The following JADE2 variants were observed in gnomAD, a reference collection of about 807,000 sequenced individuals.
JADE2 encodes the protein E3 ubiquitin-protein ligase Jade-2.
A neutral mutation model predicts 85.7 loss-of-function variants in JADE2; 13 were observed. The observed-to-expected ratio is 0.15, with a 90% CI of 0.10 to 0.24. The LOEUF (loss-of-function observed/expected upper bound fraction) is 0.24. JADE2 is among the 10% of genes least tolerant of loss of function. The pLI is 1.00. For synonymous variants in JADE2, 440 were observed against 456.1 expected, an observed-to-expected ratio of 0.96 and a Z score of 0.45; for missense variants, 846 against 1,115.9, an observed-to-expected ratio of 0.76 and a Z score of 3.45.
chr5:134,578,739 C>T lies in JADE2; in HGVS notation c.1927C>T (p.Arg643Cys), dbSNP rs762517884. The T allele has an allele frequency of 2.5e-6, 4 of 1,613,538 alleles. No homozygotes were observed. The highest frequency in any genetic ancestry group is 2.2e-5 in the East Asian group (1 of 44,872). ...TGCTAGGAAGGCCCGAGGCCGCACC[C>T]GCCTGCCTGCCAAGAAGAAACCACC... The part of the protein sequence containing the change: ...DPARKARGRT[R>C]LPAKKKPPPP... The change falls in exon 12 of 12, where the codon CGC (arginine) becomes TGC (cysteine). Residue 643 changes from arginine (R) to cysteine (C), a missense_variant. Around this residue, in one of 9 missense-constraint regions of JADE2, gnomAD observed 300 missense variants for 300.7 expected, o/e 1.00. Transcript: ENST00000681547. This position sits in a 1 kb window ranked among gnomAD's most constrained non-coding sequence, Gnocchi z 4.4.
chr5:134,558,909 A>G (rs10074263), intron 4 of JADE2, among the ~76,000 whole-genome samples: 37,786 of 152,170 alleles, frequency 0.25, 5,123 homozygotes, highest in East Asian at 0.53. Context: ...TGGCTTCCCC[A>G]GAGTCACACA....
intron 9 of JADE2, among the ~76,000 whole-genome samples, chr5:134,568,692 C>A (rs889196985): frequency 1.3e-5 from 2 of 152,242 alleles, no homozygotes; most frequent in Admixed American, 1.3e-4. Context: ...CAGGGGCATG[C>A]ACAGCCCTGG....
Position 134,559,770 on chromosome 5 carries a change from G to T in JADE2, c.312-60G>T, listed in dbSNP as rs895936505. On this transcript the variant is annotated intron_variant, in intron 4 of 11. Coordinates refer to ENST00000681547, the MANE Select transcript of JADE2 (RefSeq NM_001388185.1). ...GAGCTGGACTGGTCAGCTCCCTGGA[G>T]CCCCTATGGCGGCAGGCTGAGGGCC... 7 of 1,544,418 alleles carry T rather than the reference G, an allele frequency of 4.5e-6. No homozygotes were observed. In the Admixed American group the frequency reaches 1.4e-4, roughly 30 times the overall value.
chr5:134,543,357 C>G (rs1358396637), intron 3 of JADE2, among the ~76,000 whole-genome samples: 1 of 150,692 alleles, frequency 6.6e-6, no homozygotes, highest in Admixed American at 6.6e-5. Context: ...ACAAGACCTG[C>G]TATTGGGATC....
At chr5:134,531,523 T>C (rs1325850169) in intron 1 of JADE2, among the ~76,000 whole-genome samples, 1 of 152,194 alleles carries the variant, frequency 6.6e-6, no homozygotes, top group East Asian at 1.9e-4. Context: ...GTGATCCTCC[T>C]GCCTCTACCT....
At chr5:134,565,611 G>A (rs997305875) in intron 8 of JADE2, among the ~76,000 whole-genome samples, 3 of 152,162 alleles carry the variant, frequency 2.0e-5, no homozygotes, top group African/African-American at 7.2e-5. Flanking sequence ...TTGGGAGGCC[G>A]AGGCAGGTGG....
chr5:134,565,905 T>TGA (rs1763612458), intron 8 of JADE2, among the ~76,000 whole-genome samples: 1 of 151,428 alleles, frequency 6.6e-6, no homozygotes, highest in Non-Finnish European at 1.5e-5. Flanking sequence ...CATGTGGTGT[T>TGA]GAATGGGTTA....
intron 3 of JADE2, among the ~76,000 whole-genome samples, chr5:134,539,124 T>G (rs907912689): frequency 2.7e-4 from 41 of 151,636 alleles, no homozygotes; most frequent in African/African-American, 7.7e-4. Flanking sequence ...TGCAGTGGCG[T>G]GATCTCGGCT....
intron 9 of JADE2, among the ~76,000 whole-genome samples, chr5:134,571,886 G>A (rs1278713353): frequency 1.3e-5 from 2 of 152,180 alleles, no homozygotes; most frequent in Non-Finnish European, 2.9e-5. Context: ...CTGCCCTGCC[G>A]TGTGATCAAC....
intron 7 of JADE2, 112 bp from the exon 8 acceptor site, chr5:134,564,382 C>A: frequency 1.6e-6 from 1 of 628,692 alleles, no homozygotes; most frequent in Non-Finnish European, 2.7e-6. Context: ...GGGGCTCAGC[C>A]ACTGCCCTGT....
chr5:134,552,318 C>G, intron 4 of JADE2, 109 bp downstream of exon 4: 1 of 953,594 alleles, frequency 1.0e-6, no homozygotes, highest in Admixed American at 2.9e-5. Context: ...TAGTCCATCT[C>G]TATTCTGTAT....
chr5:134,561,802 C>T (rs544025622), intron 6 of JADE2, among the ~76,000 whole-genome samples: 1 of 152,270 alleles, frequency 6.6e-6, no homozygotes, highest in South Asian at 2.1e-4. Flanking sequence ...CTTCATGGGT[C>T]CCTGTGTAAG....
intron 1 of JADE2, among the ~76,000 whole-genome samples, chr5:134,532,234 A>G (rs1285210186): frequency 6.6e-6 from 1 of 152,058 alleles, no homozygotes; most frequent in Non-Finnish European, 1.5e-5. Context: ...GAGCCTGGAC[A>G]TGGGTGAATT....
intron 10 of JADE2, among the ~76,000 whole-genome samples, chr5:134,576,466 C>T (rs958102416): frequency 2.0e-5 from 3 of 152,212 alleles, no homozygotes; most frequent in Non-Finnish European, 4.4e-5. Flanking sequence ...GACTCCCTTC[C>T]AGCCATTCTT....
chr5:134,530,827 C>G (rs573910519), intron 1 of JADE2, among the ~76,000 whole-genome samples: 1 of 152,080 alleles, frequency 6.6e-6, no homozygotes, highest in Non-Finnish European at 1.5e-5. Context: ...AGGGCGAAAT[C>G]TTGGGCCAGG....
At chr5:134,568,722 C>T (rs2149999619) in intron 9 of JADE2, among the ~76,000 whole-genome samples, 1 of 152,362 alleles carries the variant, frequency 6.6e-6, no homozygotes, top group East Asian at 1.9e-4. Context: ...GGAGGGACAA[C>T]CATGAGCCAA....
chr5:134,543,786 A>G (rs1762124303), intron 3 of JADE2, among the ~76,000 whole-genome samples: 1 of 151,836 alleles, frequency 6.6e-6, no homozygotes, highest in Non-Finnish European at 1.5e-5. Context: ...AGCTTCTTTG[A>G]GTATTTTTGA....
Position 134,578,639 on chromosome 5 carries a change from G to C in JADE2, c.1827G>C (p.Leu609=), listed in dbSNP as rs1259378926. The stretch of plus-strand genomic sequence containing the variant: ...GCGAGGACCCTGCTCCAGGGCTGCT[G>C]TCAGAGGAACTGCTGCAGGACGAGG... ...GHREDPAPGL[L]SEELLQDEET... Residue 609 remains leucine (L), a synonymous_variant, in exon 12 of 12, where the codon CTG becomes CTC. Coordinates refer to ENST00000681547, the MANE Select transcript of JADE2 (RefSeq NM_001388185.1). This position sits in a 1 kb window ranked among gnomAD's most constrained non-coding sequence, Gnocchi z 4.4. 2 of 1,614,170 alleles carry C rather than the reference G, an allele frequency of 1.2e-6. No individual in the cohort carries two copies. Among genetic ancestry groups the C allele is most frequent in the South Asian group, 2.2e-5 (2 of 91,090 alleles).
At chr5:134,541,029 C>T (rs1043784361) in intron 3 of JADE2, among the ~76,000 whole-genome samples, 14 of 152,354 alleles carry the variant, frequency 9.2e-5, no homozygotes, top group Admixed American at 5.9e-4. Flanking sequence ...GTACAAGTAT[C>T]GATGCCCAAC....
Sources: allele counts gnomAD v4.1 joint callset (sites outside exome capture counted in the v4.1 genomes callset), GRCh38; gene constraint gnomAD v4.1.1; regional missense constraint gnomAD v4.1.1; non-coding constraint Gnocchi (gnomAD v3.1); transcripts MANE v1.5; gene names NCBI Gene and HGNC (gene_info 2026-07-23, HGNC 2026-07-21).